The following CACYBP variants were observed in gnomAD, a reference collection of about 807,000 sequenced individuals.
CACYBP encodes calcyclin-binding protein.
In CACYBP, 11 loss-of-function variants were observed where a neutral mutation model predicts 29.6. The observed-to-expected ratio is 0.37, with a 90% confidence interval of 0.23 to 0.61. The LOEUF (loss-of-function observed/expected upper bound fraction) is 0.61, where lower values mean the gene tolerates loss of function less well. CACYBP is among the 20% of genes least tolerant of loss of function. The pLI is 0.65. For missense variants in CACYBP, 163 were observed against 260.7 expected, an observed-to-expected ratio of 0.63 and a Z score of 2.58; for synonymous variants, 73 against 88.3, an observed-to-expected ratio of 0.83 and a Z score of 0.97.
At chr1:175,000,426 T>G (rs1574105948) in intron 1 of CACYBP, 2 of 1,391,084 alleles carry the variant, frequency 1.4e-6, no homozygotes, top group Non-Finnish European at 1.9e-6. Flanking sequence ...CGAGCGGGGG[T>G]GTGCGGCGAT....
In CACYBP at chr1:175,010,197, A is replaced by G. The variant is rs1222362407; in HGVS notation, c.*118A>G. The G allele has an allele frequency of 8.0e-6, 6 of 750,894 alleles. No individual in the cohort carries two copies. The African/African-American group carries it at 8.9e-5, about 11-fold the overall frequency. 46.5% of individuals were successfully genotyped at this position (750,894 alleles called of 1,614,324 possible). ...CAGATAGCTATTTACATAGCCTTCT[A>G]AGTAAAGGCAATGAATTCTCCATTT... On this transcript the variant is annotated 3_prime_UTR_variant, in exon 6 of 6. Coordinates refer to ENST00000367679, the MANE Select transcript of CACYBP (RefSeq NM_014412.3).
intron 1 of CACYBP, among the ~76,000 whole-genome samples, chr1:175,001,867 G>T (rs985203917): frequency 2.0e-5 from 3 of 152,318 alleles, no homozygotes; most frequent in Admixed American, 2.0e-4. Flanking sequence ...TTAGCCTCCT[G>T]AGAAGCTGGG....
At chr1:175,007,324 G>C in intron 4 of CACYBP, 127 bp downstream of exon 4, 1 of 626,564 alleles carries the variant, frequency 1.6e-6, no homozygotes. Context: ...TTTTGTGAAT[G>C]TTTTATTGGG....
upstream of CACYBP, chr1:174,999,586 G>A (rs954406566): frequency 9.3e-5 from 15 of 161,414 alleles, no homozygotes; most frequent in African/African-American, 3.4e-4. Context: ...CGGAGGCTGA[G>A]AGACTAACCT....
chr1:175,000,499 G>A, intron 1 of CACYBP: 2 of 1,298,102 alleles, frequency 1.5e-6, no homozygotes, highest in Non-Finnish European at 2.0e-6. Context: ...TGTTCCTCAG[G>A]CCCTTTCTGC....
chr1:174,999,668 C>T (rs1672408952), upstream of CACYBP: 1 of 234,342 alleles, frequency 4.3e-6, no homozygotes, highest in African/African-American at 2.4e-5. Flanking sequence ...TAGTCAACTT[C>T]CGACTTGGAC....
At position 175,007,084 on chromosome 1, in the gene CACYBP, C is replaced by T. The variant is rs1672638092; in HGVS notation, c.333-14C>T. 9 of 1,501,312 alleles carry T rather than the reference C, an allele frequency of 6.0e-6. No individual in the cohort carries two copies. The highest frequency in any genetic ancestry group is 2.8e-5 in the African/African-American group (2 of 72,600). The allele number at this position is 1,501,312 out of a possible 1,614,324, so 93.0% of individuals were successfully genotyped here. A position where few individuals can be genotyped will look rare whatever the true frequency, so the allele number is the denominator to read the frequency against. On this transcript the variant is annotated splice_polypyrimidine_tract_variant and intron_variant, in intron 3 of 5. Coordinates refer to ENST00000367679, the MANE Select transcript of CACYBP (RefSeq NM_014412.3). ...TAGAACTAGAAAGATGATGTATTCA[C>T]CATTGTGTTGCAGGTCATTTGATCT...
intron 2 of CACYBP, among the ~76,000 whole-genome samples, chr1:175,005,382 G>C (rs1009085674): frequency 5.9e-5 from 9 of 152,310 alleles, no homozygotes; most frequent in Middle Eastern, 3.4e-3. Context: ...TTTGGCGGCA[G>C]CGCAACTTGA....
chr1:175,009,809 G>T, intron 5 of CACYBP, 114 bp from the exon 6 acceptor site: 1 of 711,242 alleles, frequency 1.4e-6, no homozygotes, highest in South Asian at 2.2e-5. Flanking sequence ...AAATATCTTT[G>T]GGTACTCTGT....
In CACYBP at chr1:175,003,118, A is replaced by ATT. The variant is rs11288938; in HGVS notation, c.16-1482_16-1481dup. ...TGGACAAGAGGGTTGGGCAGAGTTG[A>ATT]TTTTTTTTTTTTTTTGGGAGACCGA... On this transcript the variant is annotated intron_variant, in intron 1 of 5. Transcript: ENST00000367679. Among the ~76,000 whole-genome samples the ATT allele has an allele frequency of 1.7e-3, 238 of 141,968 alleles. 2 individuals carry two copies. The highest frequency in any genetic ancestry group is 2.9e-3 in the Non-Finnish European group (185 of 64,320). 93.1% of individuals were successfully genotyped at this position (141,968 alleles called of 152,430 possible).
At chr1:175,000,623 G>A in intron 1 of CACYBP, 2 of 1,048,994 alleles carry the variant, frequency 1.9e-6, no homozygotes, top group Non-Finnish European at 2.3e-6. Flanking sequence ...GCTAGCACTT[G>A]AATTCTCCTA....
intron 1 of CACYBP, among the ~76,000 whole-genome samples, chr1:175,004,369 G>A (rs1672563013): frequency 1.3e-5 from 2 of 152,088 alleles, no homozygotes; most frequent in South Asian, 4.1e-4. Context: ...GAAAATTTAG[G>A]TTTGAAGACC....
chr1:174,999,441 C>T (rs1672399461), upstream of CACYBP: 1 of 152,786 alleles, frequency 6.5e-6, no homozygotes, highest in African/African-American at 2.4e-5. Flanking sequence ...TGTTAGACCG[C>T]GGTGACGTCT....
chr1:175,006,332 G>T (rs1395215886), intron 2 of CACYBP, among the ~76,000 whole-genome samples: 1 of 152,154 alleles, frequency 6.6e-6, no homozygotes, highest in African/African-American at 2.4e-5. Flanking sequence ...AGTAGAAATG[G>T]TTATGGAATT....
Position 175,006,782 on chromosome 1 carries a change from T to C in CACYBP, c.273T>C (p.Ile91=). ...CAGATAAGTTTGTGAAAATCTACAT[T>C]ACCTTAACTGGAGTTCATCAAGTTC... is the stretch of plus-strand genomic sequence containing the variant. The part of the protein sequence containing the change: ...DQSDKFVKIY[I]TLTGVHQVPT... Residue 91 remains isoleucine, a synonymous_variant, in exon 3 of 6, where the codon ATT becomes ATC. Coordinates refer to ENST00000367679, the MANE Select transcript of CACYBP (RefSeq NM_014412.3). 6.2e-7 allele frequency: 1 copy of C among 1,605,996 alleles called. No individual in the cohort carries two copies. The highest frequency in any genetic ancestry group is 8.5e-7 in the Non-Finnish European group (1 of 1,173,402).
chr1:175,008,717 T>G lies in CACYBP; in HGVS notation c.530+11T>G. ...GTGCAAAGAAAAAGAGTGAGTCTAC[T>G]TCCATTTTTTTAAAGAATTTTAGTG... is the stretch of plus-strand genomic sequence containing the variant. On this transcript the variant is annotated intron_variant, in intron 5 of 5. Coordinates refer to ENST00000367679, the MANE Select transcript of CACYBP (RefSeq NM_014412.3). The G allele has an allele frequency of 2.4e-6, 3 of 1,261,784 alleles. No individual in the cohort carries two copies. Among genetic ancestry groups the G allele is most frequent in the Non-Finnish European group, 3.5e-6 (3 of 859,040 alleles). The allele number at this position is 1,261,784 out of a possible 1,614,324, so 78.2% of individuals were successfully genotyped here. A position where few individuals can be genotyped will look rare whatever the true frequency, so the allele number is the denominator to read the frequency against.
chr1:175,004,783 C>A lies in CACYBP; in HGVS notation c.185C>A (p.Ala62Asp). ...CTTCTTGATAATGAAAAACCAGCTG[C>A]TGTGGTTGCTCCCATTACAACGGGC... ...AELLDNEKPA[A>D]VVAPITTGYT... The change falls in exon 2 of 6, where the codon GCT becomes GAT. Residue 62 changes from alanine to aspartate, a missense_variant. Physicochemically the swap from Ala to Asp is moderately radical, Grantham distance 126. Transcript: ENST00000367679. 2 of 1,613,706 alleles carry A rather than the reference C, an allele frequency of 1.2e-6. No individual in the cohort carries two copies.
chr1:175,009,676 TC>T (rs1223126721), intron 5 of CACYBP, among the ~76,000 whole-genome samples: 1 of 145,426 alleles, frequency 6.9e-6, no homozygotes, highest in African/African-American at 2.5e-5. Context: ...TCATGGGAAA[TC>T]CCTGTGCCTA....
chr1:175,007,807 TATAAAA>T (rs1238941513), intron 4 of CACYBP, among the ~76,000 whole-genome samples: 2 of 152,240 alleles, frequency 1.3e-5, no homozygotes, highest in African/African-American at 4.8e-5. Context: ...TAGAAGCAGC[TATAAAA>T]ATAAGGAAAC....
Sources: allele counts gnomAD v4.1 joint callset (sites outside exome capture counted in the v4.1 genomes callset), GRCh38; gene constraint gnomAD v4.1.1; transcripts MANE v1.5; gene names NCBI Gene and HGNC (gene_info 2026-07-23, HGNC 2026-07-21).